Variants in GFOD1 observed in about 807,000 individuals in gnomAD.
GFOD1 encodes glucose-fructose oxidoreductase domain-containing protein 1.
GFOD1 carries 9 observed loss-of-function variants against 25.4 expected under a neutral mutation model. The ratio of observed to expected loss-of-function variants is 0.35; its 90% CI spans 0.21 to 0.62. The LOEUF is 0.62. Among genes scored for constraint, GFOD1 ranks in the 20% least tolerant of loss-of-function variants. The pLI is 0.72. For missense variants in GFOD1, 403 were observed against 556.9 expected (o/e 0.72, Z 2.78); for synonymous variants, 253 against 245.6 (o/e 1.03, Z -0.28).
chr6:13,460,004 T>A (rs1758264334), intron 1 of GFOD1, among the ~76,000 whole-genome samples: 2 of 152,112 alleles, frequency 1.3e-5, no homozygotes, highest in Non-Finnish European at 2.9e-5. Context: ...CATGGTGTTG[T>A]GTGCCTGTAA....
At chr6:13,398,996 A>G (rs1785790839) in intron 1 of GFOD1, among the ~76,000 whole-genome samples, 1 of 152,198 alleles carries the variant, frequency 6.6e-6, no homozygotes, top group East Asian at 1.9e-4. Context: ...GCACTTTACT[A>G]CTTTGGAAAA....
At chr6:13,391,591 T>C (rs939256940) in intron 1 of GFOD1, among the ~76,000 whole-genome samples, 2 of 151,690 alleles carry the variant, frequency 1.3e-5, no homozygotes, top group Non-Finnish European at 2.9e-5. Flanking sequence ...CCATATCAAT[T>C]GAATAGGTAA....
At chr6:13,376,796 A>C (rs1276754431) in intron 1 of GFOD1, among the ~76,000 whole-genome samples, 1 of 152,214 alleles carries the variant, frequency 6.6e-6, no homozygotes, top group Non-Finnish European at 1.5e-5. Context: ...GGAACCTCCT[A>C]TCATCTCCCA....
chr6:13,409,622 A>C (rs977185640), intron 1 of GFOD1, among the ~76,000 whole-genome samples: 5 of 152,184 alleles, frequency 3.3e-5, no homozygotes, highest in Non-Finnish European at 7.4e-5. Context: ...TTAACAGATA[A>C]GAAAGAAACT....
chr6:13,449,363 G>A (rs1758057325), intron 1 of GFOD1, among the ~76,000 whole-genome samples: 1 of 152,196 alleles, frequency 6.6e-6, no homozygotes, highest in Admixed American at 6.5e-5. Flanking sequence ...GCATGACAGT[G>A]CATACTCTCC....
At chr6:13,423,904 G>C (rs1304810378) in intron 1 of GFOD1, among the ~76,000 whole-genome samples, 3 of 152,110 alleles carry the variant, frequency 2.0e-5, no homozygotes, top group South Asian at 4.1e-4. Flanking sequence ...TGCTGCCCAG[G>C]CTAGAGTGTG....
chr6:13,449,220 G>T lies in GFOD1; in HGVS notation c.253+37418C>A, dbSNP rs191528570. Among the ~76,000 whole-genome samples the T allele has an allele frequency of 7.9e-5, 12 of 152,354 alleles. No homozygotes were observed. In the East Asian group the frequency reaches 2.3e-3, roughly 29 times the overall value. On this transcript the variant is annotated intron_variant, in intron 1 of 1. Coordinates refer to ENST00000379287, the MANE Select transcript of GFOD1 (RefSeq NM_018988.4). Reference sequence around the variant, plus strand: ...GTAGGAGGATTGCTTGAGCCCAGGAGGTTGGGGCTGCAGTGAGCTATGACT... The same window carrying T: ...GTAGGAGGATTGCTTGAGCCCAGGATGTTGGGGCTGCAGTGAGCTATGACT...
At chr6:13,410,594 G>GAGAGAGAGAGAGAA in intron 1 of GFOD1, among the ~76,000 whole-genome samples, 1 of 33,640 alleles carries the variant, frequency 3.0e-5, no homozygotes, top group East Asian at 1.1e-3. Context: ...GAGAGAGAGA[G>GAGAGAGAGAGAGAA]AGAGAGAGAG....
At chr6:13,369,244 AG>A (rs1252155082) in intron 1 of GFOD1, among the ~76,000 whole-genome samples, 1 of 152,238 alleles carries the variant, frequency 6.6e-6, no homozygotes, top group Non-Finnish European at 1.5e-5. Flanking sequence ...CATGCTTTAC[AG>A]ATGGGTCTCG....
intron 1 of GFOD1, among the ~76,000 whole-genome samples, chr6:13,402,267 C>T (rs116137572): frequency 2.6e-5 from 4 of 152,286 alleles, no homozygotes; most frequent in African/African-American, 9.6e-5. Flanking sequence ...ACTTTGACAT[C>T]TCGGGTTTAG....
rs541118612 is a variant in GFOD1, at chr6:13,364,779, C to A, written c.1137G>T (p.Glu379Asp). Residue 379 changes from glutamate (E) to aspartate (D), a missense_variant, in exon 2 of 2, where the codon GAG becomes GAT. Physicochemically the swap from Glu to Asp is conservative, Grantham distance 45. Transcript: ENST00000379287. This position sits in a 1 kb window ranked among gnomAD's most constrained non-coding sequence, Gnocchi z 4.1. Reference sequence around the variant, plus strand: ...GGGACATCCTGCTGCGGCGCATGGCCTCGCTGATCAGGTAGGCGGGGCTCA... The same window carrying A: ...GGGACATCCTGCTGCGGCGCATGGCATCGCTGATCAGGTAGGCGGGGCTCA... ...PELSPAYLIS[E>D]AMRRSRMSLY... is the part of the protein sequence containing the mutation. 3.8e-5 allele frequency: 62 copies of A among 1,613,596 alleles called. No homozygotes were observed. The highest frequency in any genetic ancestry group is 4.7e-5 in the Non-Finnish European group (56 of 1,179,942).
At chr6:13,408,042 G>A (rs1584633677) in intron 1 of GFOD1, 2 of 985,382 alleles carry the variant, frequency 2.0e-6, no homozygotes, top group East Asian at 1.1e-4. Flanking sequence ...GAAGGCATGT[G>A]AGAAATGTGC....
At chr6:13,416,129 C>T (rs1031968103) in intron 1 of GFOD1, among the ~76,000 whole-genome samples, 1 of 152,158 alleles carries the variant, frequency 6.6e-6, no homozygotes, top group Non-Finnish European at 1.5e-5. Context: ...GGCCATACCC[C>T]CTTAATGCTC....
At chr6:13,427,013 T>G (rs569144419) in intron 1 of GFOD1, among the ~76,000 whole-genome samples, 2 of 152,342 alleles carry the variant, frequency 1.3e-5, no homozygotes, top group African/African-American at 4.8e-5. Flanking sequence ...ACAGTTATTG[T>G]GATGAGCGTG....
chr6:13,441,286 C>A (rs115071189), intron 1 of GFOD1, among the ~76,000 whole-genome samples: 1 of 152,324 alleles, frequency 6.6e-6, no homozygotes, highest in Non-Finnish European at 1.5e-5. Context: ...CACCTATGGG[C>A]TCTGACTTTT....
At chr6:13,470,347 C>A in intron 1 of GFOD1, 1 of 1,556,624 alleles carries the variant, frequency 6.4e-7, no homozygotes, top group Admixed American at 1.9e-5. Context: ...CTCAGTTCCA[C>A]AGACAAATGC....
At chr6:13,415,950 G>A (rs1363623669) in intron 1 of GFOD1, among the ~76,000 whole-genome samples, 1 of 152,188 alleles carries the variant, frequency 6.6e-6, no homozygotes, top group African/African-American at 2.4e-5. Flanking sequence ...GTCTAGTTGG[G>A]GAGTGATATG....
At chr6:13,450,171 T>C (rs1758070207) in intron 1 of GFOD1, among the ~76,000 whole-genome samples, 1 of 152,226 alleles carries the variant, frequency 6.6e-6, no homozygotes, top group Non-Finnish European at 1.5e-5. Context: ...TGATCTGGCC[T>C]CTCAATGGAC....
At position 13,365,339 on chromosome 6, in the gene GFOD1, C is replaced by G. The variant is rs376523971; in HGVS notation, c.577G>C (p.Val193Leu). The G allele has an allele frequency of 1.4e-5, 22 of 1,614,072 alleles. No individual in the cohort carries two copies. The Admixed American group carries it at 3.7e-4, about 27-fold the overall frequency. Residue 193 changes from valine to leucine, a missense_variant, in exon 2 of 2, where the codon GTC becomes CTC. By Grantham distance (32) the Val-to-Leu change is conservative. Coordinates refer to ENST00000379287, the MANE Select transcript of GFOD1 (RefSeq NM_018988.4). The surrounding 1 kb of genome is among the most constrained non-coding windows in gnomAD (Gnocchi z 9.2). Reference sequence around the variant, plus strand: ...GTCTTGAGCAGCCCGTGGACCTTGACGGCCTTTTGGCCGGTGAGGAAGGTG... The same window carrying G: ...GTCTTGAGCAGCCCGTGGACCTTGAGGGCCTTTTGGCCGGTGAGGAAGGTG... ...LLTFLTGQKA[V>L]KVHGLLKTFV...
Sources: gnomAD v4.1 joint callset for allele counts (sites outside exome capture counted in the v4.1 genomes callset) on GRCh38, gnomAD v4.1.1 for gene constraint, Gnocchi (gnomAD v3.1) non-coding constraint, MANE v1.5 for transcripts, NCBI Gene and HGNC (gene_info 2026-07-23, HGNC 2026-07-21) for gene names.